CCNB2: variants seen among roughly 807,000 people sequenced by gnomAD.
CCNB2 encodes the protein G2/mitotic-specific cyclin-B2.
CCNB2 carries 39 observed loss-of-function variants against 51.1 expected under a neutral mutation model. The observed-to-expected ratio is 0.76, with a 90% CI of 0.59 to 1.00. The LOEUF is 1.00. Ranked by LOEUF, CCNB2 falls within the 50% of genes least tolerant of loss-of-function variation. CCNB2 has a pLI of 0.00. For synonymous variants in CCNB2, 174 were observed against 165.5 expected, an observed-to-expected ratio of 1.05 and a Z score of -0.40; for missense variants, 472 against 470.3, an observed-to-expected ratio of 1.00 and a Z score of -0.03.
rs1352210900 is a variant in CCNB2 at position 59,124,569 on chromosome 15, GTTTTATTCA to G, written c.1087-195_1087-187del. 5.2e-6 allele frequency: 3 copies of G among 581,060 alleles called. No homozygotes were observed. In the African/African-American group the frequency reaches 5.7e-5, roughly 11 times the overall value. The allele number at this position is 581,060 out of a possible 1,614,324, so 36.0% of individuals were successfully genotyped here. A position where few individuals can be genotyped will look rare whatever the true frequency, so the allele number is the denominator to read the frequency against. On this transcript the variant is annotated intron_variant, in intron 8 of 8. Transcript: ENST00000288207. ...TCCTATCACCTGTGCTACCAGCTGT[GTTTTATTCA>G]TTAATGGGGATGGAAGGAAATGGTC... is the stretch of plus-strand genomic sequence containing the variant.
intron 1 of CCNB2, among the ~76,000 whole-genome samples, chr15:59,105,521 G>A (rs1423923804): frequency 1.3e-5 from 2 of 152,230 alleles, no homozygotes; most frequent in Non-Finnish European, 2.9e-5. Context: ...CGGGGTGGGA[G>A]AAGTGTAGGA....
At chr15:59,122,239 A>ATTTTT (rs1330208146) in intron 7 of CCNB2, among the ~76,000 whole-genome samples, 15 of 97,428 alleles carry the variant, frequency 1.5e-4, no homozygotes, top group South Asian at 6.0e-4. Flanking sequence ...CAGTTGACAT[A>ATTTTT]TCTTTTTTTT....
chr15:59,123,688 TTGG>T (rs1296996160), intron 8 of CCNB2, 61 bp downstream of exon 8: 2 of 750,598 alleles, frequency 2.7e-6, no homozygotes, highest in African/African-American at 5.0e-5. Context: ...TGTGTGTATG[TTGG>T]GCGGGGGGGG....
rs1318469120 is a variant in CCNB2, at chr15:59,116,685, A to G, written c.598-5A>G. 6.3e-7 allele frequency: 1 copy of G among 1,598,574 alleles called. No individual in the cohort carries two copies. The highest frequency in any genetic ancestry group is 8.6e-7 in the Non-Finnish European group (1 of 1,168,614). On this transcript the variant is annotated splice_polypyrimidine_tract_variant and splice_region_variant and intron_variant, in intron 5 of 8. Transcript: ENST00000288207. The stretch of plus-strand genomic sequence containing the variant: ...GTGACTTTTGTTACATTAATTTTCC[A>G]TTAGGTTCAGCCAGTTTCCCGGAAG...
chr15:59,112,983 A>G (rs569454619), intron 3 of CCNB2, among the ~76,000 whole-genome samples: 2 of 152,108 alleles, frequency 1.3e-5, no homozygotes, highest in Admixed American at 6.5e-5. Context: ...GCAGTGAGCC[A>G]AGGTCGTGCC....
At position 59,109,709 on chromosome 15, in the gene CCNB2, G is replaced by A. The variant is rs181833554; in HGVS notation, c.267+2039G>A. 5.3e-5 allele frequency among the ~76,000 whole-genome samples: 8 copies of A among 152,312 alleles called. No individual in the cohort carries two copies. In the East Asian group the frequency reaches 1.2e-3, roughly 22 times the overall value. ...TTCCTTAAAACGTCAAACTTTGGCC[G>A]GGTGCAGTGGCTCACGCCTGTAATC... is the stretch of plus-strand genomic sequence containing the variant. On this transcript the variant is annotated intron_variant, in intron 3 of 8. Coordinates refer to ENST00000288207, the MANE Select transcript of CCNB2 (RefSeq NM_004701.4).
intron 1 of CCNB2, among the ~76,000 whole-genome samples, chr15:59,105,494 C>G (rs1439177490): frequency 1.3e-5 from 2 of 152,278 alleles, no homozygotes; most frequent in Non-Finnish European, 2.9e-5. Context: ...CCGCCCTCCC[C>G]TAACCCCTCC....
intron 3 of CCNB2, among the ~76,000 whole-genome samples, chr15:59,107,950 A>G (rs28383502): frequency 0.04 from 6,060 of 152,198 alleles, 252 homozygotes; most frequent in African/African-American, 0.1. Context: ...AATGTGCTAT[A>G]ATGGTGCCAC....
chr15:59,117,419 G>A (rs376477102), intron 7 of CCNB2, 51 bp downstream of exon 7: 62 of 1,573,710 alleles, frequency 3.9e-5, no homozygotes, highest in East Asian at 4.5e-5. Context: ...TTAGTCCTTC[G>A]TAATACAAAA....
intron 7 of CCNB2, among the ~76,000 whole-genome samples, chr15:59,121,989 A>C (rs1357486514): frequency 6.7e-6 from 1 of 148,734 alleles, no homozygotes; most frequent in Non-Finnish European, 1.5e-5. Flanking sequence ...ATGGTGGCAT[A>C]CACCTATAGT....
In CCNB2 at chr15:59,117,707, A is replaced by G. The variant is rs1008036847; in HGVS notation, c.975+339A>G. On this transcript the variant is annotated intron_variant, in intron 7 of 8. Coordinates refer to ENST00000288207, the MANE Select transcript of CCNB2 (RefSeq NM_004701.4). ...GGCTAGCCTTGAACTCGGCTCAAGC[A>G]GTCTGCCCACCTTGGCCTCCCAAAG... 2.6e-5 allele frequency among the ~76,000 whole-genome samples: 4 copies of G among 152,294 alleles called. 1 individual carries two copies. In the South Asian group the frequency reaches 8.3e-4, roughly 32 times the overall value.
intron 3 of CCNB2, 143 bp from the exon 4 acceptor site, chr15:59,114,301 G>T: frequency 3.4e-6 from 2 of 593,106 alleles, no homozygotes; most frequent in East Asian, 5.6e-5. Flanking sequence ...ACTATATCTT[G>T]AATTATTCAC....
chr15:59,111,856 C>CT (rs11327656), intron 3 of CCNB2, among the ~76,000 whole-genome samples: 3,841 of 133,934 alleles, frequency 0.029, 85 homozygotes, highest in African/African-American at 0.058. Context: ...TTCTTTCTTT[C>CT]TTTTTTTTTT....
chr15:59,113,298 A>G (rs1266042499), intron 3 of CCNB2, among the ~76,000 whole-genome samples: 2 of 152,204 alleles, frequency 1.3e-5, no homozygotes, highest in Admixed American at 1.3e-4. Context: ...AAAACATTAT[A>G]CTGCAGAAGA....
At chr15:59,122,315 C>A (rs934806952) in intron 7 of CCNB2, among the ~76,000 whole-genome samples, 6 of 117,814 alleles carry the variant, frequency 5.1e-5, no homozygotes, top group Non-Finnish European at 9.6e-5. Context: ...GTGGTGCGAT[C>A]TCAGCTCACT....
rs766362424 is a variant in CCNB2 at position 59,114,619 on chromosome 15, G to A, written c.438+5G>A. The A allele has an allele frequency of 2.0e-5, 32 of 1,587,694 alleles. No homozygotes were observed. Among genetic ancestry groups the A allele is most frequent in the Admixed American group, 6.9e-5 (4 of 57,764 alleles). On this transcript the variant is annotated splice_donor_5th_base_variant and intron_variant, in intron 4 of 8. Transcript: ENST00000288207. ...CAGTATCTCAGGCAGCTGGAGGTAG[G>A]TGGGCCTTTGTGTTTTGGTTGTATA...
chr15:59,117,328 C>T lies in CCNB2; in HGVS notation c.935C>T (p.Ala312Val), dbSNP rs1227748139. The part of the protein sequence containing the change: ...HYHPSKVAAA[A>V]SCLSQKVLGQ... The stretch of plus-strand genomic sequence containing the variant: ...CATCCTTCTAAGGTAGCAGCAGCTG[C>T]TTCCTGCTTGTCTCAGAAGGTTCTA... Residue 312 changes from alanine to valine, a missense_variant, in exon 7 of 9, where the codon GCT (alanine) becomes GTT (valine). Coordinates refer to ENST00000288207, the MANE Select transcript of CCNB2 (RefSeq NM_004701.4). 1.2e-6 allele frequency: 2 copies of T among 1,613,800 alleles called. No homozygotes were observed. The highest frequency in any genetic ancestry group is 2.2e-5 in the East Asian group (1 of 44,896).
chr15:59,125,026 G>C lies in CCNB2; in HGVS notation c.*149G>C, dbSNP rs2079319492. The C allele has an allele frequency of 2.1e-6, 1 of 487,730 alleles. No homozygotes were observed. The highest frequency in any genetic ancestry group is 3.6e-6 in the Non-Finnish European group (1 of 276,498). 30.2% of individuals were successfully genotyped at this position (487,730 alleles called of 1,614,324 possible). On this transcript the variant is annotated 3_prime_UTR_variant, in exon 9 of 9. Coordinates refer to ENST00000288207, the MANE Select transcript of CCNB2 (RefSeq NM_004701.4). Reference sequence around the variant, plus strand: ...AACATATATTGAGGAAAAATAAAGCGATTGGTTTTTCTTAAGGTATCCCAT... The same window carrying C: ...AACATATATTGAGGAAAAATAAAGCCATTGGTTTTTCTTAAGGTATCCCAT...
At chr15:59,107,702 A>T in intron 3 of CCNB2, 32 bp downstream of exon 3, 1 of 1,560,348 alleles carries the variant, frequency 6.4e-7, no homozygotes, top group Non-Finnish European at 8.8e-7. Flanking sequence ...AACGTATTTA[A>T]TGAGGTAGCC....
Sources: gnomAD v4.1 joint callset for allele counts (sites outside exome capture counted in the v4.1 genomes callset) on GRCh38, gnomAD v4.1.1 for gene constraint, MANE v1.5 for transcripts, NCBI Gene and HGNC (gene_info 2026-07-23, HGNC 2026-07-21) for gene names.